The following THSD7B variants were observed in gnomAD, a reference collection of about 807,000 sequenced individuals.
THSD7B encodes thrombospondin type 1 domain containing 7B.
Under a neutral mutation model 213.6 loss-of-function variants are expected in THSD7B, and 138 were observed. The ratio of observed to expected loss-of-function variants is 0.65; its 90% CI spans 0.56 to 0.74. THSD7B has a LOEUF of 0.74. Ranked by LOEUF, THSD7B falls within the 30% of genes least tolerant of loss-of-function variation. The probability of loss-of-function intolerance (pLI) is 0.00; values close to 1 mark genes in which losing one functional copy is unlikely to be tolerated. For synonymous variants in THSD7B, 742 were observed against 687.0 expected, an observed-to-expected ratio of 1.08 and a Z score of -1.25; for missense variants, 1,931 against 1,991.5, an observed-to-expected ratio of 0.97 and a Z score of 0.58.
At chr2:137,536,851 A>G (rs1461264102) in intron 15 of THSD7B, among the ~76,000 whole-genome samples, 1 of 151,748 alleles carries the variant, frequency 6.6e-6, no homozygotes, top group Non-Finnish European at 1.5e-5. Flanking sequence ...TAGAAATTTA[A>G]CCATCCATAT....
chr2:137,063,797 A>G (rs1483733507), intron 3 of THSD7B, among the ~76,000 whole-genome samples: 3 of 152,028 alleles, frequency 2.0e-5, no homozygotes, highest in Non-Finnish European at 4.4e-5. Flanking sequence ...GTGCCTGGCC[A>G]TTTAACTTAA....
At chr2:137,658,429 C>A (rs1558874194) in intron 24 of THSD7B, among the ~76,000 whole-genome samples, 1 of 152,122 alleles carries the variant, frequency 6.6e-6, no homozygotes, top group Non-Finnish European at 1.5e-5. Flanking sequence ...TATCATCTGA[C>A]AAATATTATT....
intron 15 of THSD7B, among the ~76,000 whole-genome samples, chr2:137,549,963 T>G (rs541603403): frequency 6.6e-6 from 1 of 152,170 alleles, no homozygotes; most frequent in Non-Finnish European, 1.5e-5. Context: ...ATCTGTTCTA[T>G]GAAAATTGGA....
intron 15 of THSD7B, among the ~76,000 whole-genome samples, chr2:137,520,825 A>G (rs1680170933): frequency 6.6e-6 from 1 of 152,232 alleles, no homozygotes; most frequent in Admixed American, 6.5e-5. Context: ...CTAGAGCATG[A>G]TGAAATTTCT....
At chr2:136,828,474 CT>C (rs1262694514) in intron 1 of THSD7B, among the ~76,000 whole-genome samples, 11 of 152,192 alleles carry the variant, frequency 7.2e-5, no homozygotes, top group African/African-American at 2.7e-4. Context: ...CCCATATCTG[CT>C]CCTGTCTTTC....
At chr2:136,989,371 T>A (rs755783546) in intron 2 of THSD7B, among the ~76,000 whole-genome samples, 2 of 152,192 alleles carry the variant, frequency 1.3e-5, no homozygotes, top group Admixed American at 6.5e-5. Context: ...GAATTCTCAC[T>A]CTGAGTTCAT....
intron 5 of THSD7B, among the ~76,000 whole-genome samples, chr2:137,125,434 G>T (rs1289942907): frequency 2.0e-5 from 3 of 152,180 alleles, no homozygotes; most frequent in Admixed American, 1.3e-4. Flanking sequence ...TTTGTAAGAA[G>T]CAATTCATCA....
At chr2:137,624,192 A>G (rs986500560) in intron 20 of THSD7B, among the ~76,000 whole-genome samples, 1 of 152,244 alleles carries the variant, frequency 6.6e-6, no homozygotes, top group African/African-American at 2.4e-5. Context: ...CAACCATCTG[A>G]TCTTTGACAA....
intron 17 of THSD7B, among the ~76,000 whole-genome samples, chr2:137,586,594 A>G (rs1195958061): frequency 1.3e-5 from 2 of 152,096 alleles, no homozygotes; most frequent in Non-Finnish European, 2.9e-5. Flanking sequence ...TTCACTTCTG[A>G]AGCTTAGTTT....
chr2:137,575,014 A>G (rs1308069225), intron 17 of THSD7B, among the ~76,000 whole-genome samples: 3 of 152,044 alleles, frequency 2.0e-5, no homozygotes, highest in Non-Finnish European at 4.4e-5. Flanking sequence ...GACATATGAT[A>G]TTGGGACAAA....
Position 136,882,299 on chromosome 2 carries a change from C to G in THSD7B, c.121C>G (p.Gln41Glu), listed in dbSNP as rs745973598. 1 of 1,537,346 alleles carries G rather than the reference C, an allele frequency of 6.5e-7. No homozygotes were observed. Among genetic ancestry groups the G allele is most frequent in the South Asian group, 1.2e-5 (1 of 81,464 alleles). ...AAHLEGKKDNQFIWKPGPWGR... is the reference protein window; with the variant it reads ...AAHLEGKKDNEFIWKPGPWGR... ...TCATTTGGAAGGCAAAAAGGATAAT[C>G]AGTTCATCTGGAAACCAGGTAGGAA... is the stretch of plus-strand genomic sequence containing the variant. The change falls in exon 2 of 28, where the codon CAG becomes GAG. Residue 41 changes from glutamine (Q) to glutamate (E), a missense_variant. Transcript: ENST00000409968.
intron 12 of THSD7B, among the ~76,000 whole-genome samples, chr2:137,311,955 G>A (rs548172203): frequency 6.9e-6 from 1 of 145,010 alleles, no homozygotes; most frequent in South Asian, 2.3e-4. Flanking sequence ...AAGGATATTG[G>A]TCTAAAATTC....
At chr2:137,220,915 G>C (rs1001966201) in intron 7 of THSD7B, among the ~76,000 whole-genome samples, 3 of 152,144 alleles carry the variant, frequency 2.0e-5, no homozygotes, top group Non-Finnish European at 4.4e-5. Context: ...TGTGAAAGAA[G>C]TAAGACCTCA....
intron 7 of THSD7B, among the ~76,000 whole-genome samples, chr2:137,216,268 C>T (rs11675749): frequency 2.0e-5 from 2 of 100,392 alleles, no homozygotes; most frequent in Admixed American, 1.1e-4. Context: ...CTGACCCCTG[C>T]CCCCCGCCCC....
chr2:137,323,691 G>C (rs1684310132), intron 12 of THSD7B, among the ~76,000 whole-genome samples: 1 of 152,112 alleles, frequency 6.6e-6, no homozygotes, highest in Non-Finnish European at 1.5e-5. Flanking sequence ...TTATGTGAAT[G>C]AATTTGACTG....
chr2:137,114,527 T>C (rs1688410904), intron 4 of THSD7B, among the ~76,000 whole-genome samples: 1 of 152,214 alleles, frequency 6.6e-6, no homozygotes, highest in South Asian at 2.1e-4. Context: ...TGGCTGCATA[T>C]GTAAAAAAGT....
intron 14 of THSD7B, among the ~76,000 whole-genome samples, chr2:137,434,012 ACT>A (rs1459210516): frequency 6.6e-6 from 1 of 152,062 alleles, no homozygotes; most frequent in Non-Finnish European, 1.5e-5. Flanking sequence ...ATTAGCTATA[ACT>A]CTCAGCTTTA....
intron 15 of THSD7B, among the ~76,000 whole-genome samples, chr2:137,503,440 A>G (rs1336235324): frequency 1.3e-5 from 2 of 152,092 alleles, no homozygotes; most frequent in African/African-American, 4.8e-5. Flanking sequence ...ATGAATAAAC[A>G]TGTTACGTAC....
intron 14 of THSD7B, among the ~76,000 whole-genome samples, chr2:137,430,916 G>A (rs189900593): frequency 3.4e-4 from 52 of 152,278 alleles, no homozygotes; most frequent in Admixed American, 1.6e-3. Flanking sequence ...ATTAACACGG[G>A]TAAATATCCA....
Sources: allele counts gnomAD v4.1 joint callset (sites outside exome capture counted in the v4.1 genomes callset), GRCh38; gene constraint gnomAD v4.1.1; transcripts MANE v1.5; gene names NCBI Gene and HGNC (gene_info 2026-07-23, HGNC 2026-07-21).